KIF16B: variants seen among roughly 807,000 people sequenced by gnomAD.
KIF16B encodes the protein kinesin family member 16B.
A neutral mutation model predicts 156.3 loss-of-function variants in KIF16B; 98 were observed. The ratio of observed to expected loss-of-function variants is 0.63; its 90% CI spans 0.53 to 0.74. KIF16B has a LOEUF of 0.74. Ranked by LOEUF, KIF16B falls within the 30% of genes least tolerant of loss-of-function variation. The pLI is 0.00. For missense variants in KIF16B, 1,421 were observed against 1,606.5 expected (o/e 0.88, Z 1.97); for synonymous variants, 564 against 583.7 (o/e 0.97, Z 0.49).
chr20:16,428,132 A>C lies in KIF16B; in HGVS notation c.1474+821T>G, dbSNP rs372374807. Among the ~76,000 whole-genome samples the C allele has an allele frequency of 9.9e-5, 15 of 152,268 alleles. No homozygotes were observed. In the East Asian group the frequency reaches 1.9e-3, roughly 20 times the overall value. The stretch of plus-strand genomic sequence containing the variant: ...ATAGGTGAATCTGGGGACTTCTAGA[A>C]AATGGTTTTTATCTCTCTCAGTCTC... On this transcript the variant is annotated intron_variant, in intron 14 of 25. Coordinates refer to ENST00000354981, the MANE Select transcript of KIF16B (RefSeq NM_024704.5).
intron 25 of KIF16B, among the ~76,000 whole-genome samples, chr20:16,290,174 T>C (rs1371796353): frequency 6.6e-6 from 1 of 152,208 alleles, no homozygotes; most frequent in Non-Finnish European, 1.5e-5. Context: ...CAAATGAGAA[T>C]CTTGCTGTGT....
chr20:16,303,415 G>A (rs775806337), intron 25 of KIF16B, among the ~76,000 whole-genome samples: 5 of 152,160 alleles, frequency 3.3e-5, no homozygotes, highest in Admixed American at 6.5e-5. Context: ...CAACAATCCT[G>A]AAAACTAGTT....
intron 1 of KIF16B, among the ~76,000 whole-genome samples, chr20:16,547,865 C>G (rs2070475505): frequency 1.3e-5 from 2 of 152,164 alleles, no homozygotes; most frequent in Non-Finnish European, 2.9e-5. Context: ...GCAGGGACCC[C>G]CAACCCTGGA....
chr20:16,433,725 G>A (rs1215969494), intron 12 of KIF16B, among the ~76,000 whole-genome samples: 1 of 152,062 alleles, frequency 6.6e-6, no homozygotes, highest in Non-Finnish European at 1.5e-5. Context: ...GATTAATGCT[G>A]CCCTAAAGCT....
intron 12 of KIF16B, among the ~76,000 whole-genome samples, chr20:16,446,126 G>C (rs564834291): frequency 1.3e-5 from 2 of 152,278 alleles, no homozygotes; most frequent in African/African-American, 4.8e-5. Context: ...AAAAAAGGAA[G>C]TTGTCACCTT....
At position 16,378,943 on chromosome 20, in the gene KIF16B, T is replaced by G; in HGVS notation, c.3059A>C (p.Gln1020Pro). The part of the protein sequence containing the change: ...ARLERRHSAL[Q>P]RHSTLGMEIE... Reference sequence around the variant, plus strand: ...CTCCATGCCCAGGGTGGAGTGCCTCTGCAGCGCAGAATGTCTCCTCTCCAG... The same window carrying G: ...CTCCATGCCCAGGGTGGAGTGCCTCGGCAGCGCAGAATGTCTCCTCTCCAG... Residue 1020 changes from glutamine to proline, a missense_variant, in exon 19 of 26, where the codon CAG becomes CCG. Transcript: ENST00000354981. 1 of 1,614,130 alleles carries G rather than the reference T, an allele frequency of 6.2e-7. No individual in the cohort carries two copies. The highest frequency in any genetic ancestry group is 8.5e-7 in the Non-Finnish European group (1 of 1,179,978).
At chr20:16,305,336 A>G (rs1242808025) in intron 25 of KIF16B, among the ~76,000 whole-genome samples, 2 of 152,234 alleles carry the variant, frequency 1.3e-5, no homozygotes, top group East Asian at 1.9e-4. Flanking sequence ...AGACAAAAAC[A>G]TGAACACTGT....
intron 25 of KIF16B, among the ~76,000 whole-genome samples, chr20:16,287,180 T>A (rs1247583287): frequency 6.6e-6 from 1 of 152,218 alleles, no homozygotes; most frequent in Non-Finnish European, 1.5e-5. Flanking sequence ...TAAATGAAAT[T>A]AGTCAAAGCA....
At chr20:16,476,889 G>A (rs1214979477) in intron 12 of KIF16B, among the ~76,000 whole-genome samples, 3 of 152,076 alleles carry the variant, frequency 2.0e-5, no homozygotes, top group South Asian at 2.1e-4. Context: ...CTCCCGAGTA[G>A]CTGGGACTAC....
At chr20:16,397,453 C>T (rs1334718824) in intron 17 of KIF16B, among the ~76,000 whole-genome samples, 1 of 152,162 alleles carries the variant, frequency 6.6e-6, no homozygotes, top group Non-Finnish European at 1.5e-5. Flanking sequence ...TCTTGGGGAA[C>T]AAGAACTTTG....
chr20:16,433,994 T>C (rs1255807029), intron 12 of KIF16B, among the ~76,000 whole-genome samples: 1 of 152,102 alleles, frequency 6.6e-6, no homozygotes, highest in East Asian at 1.9e-4. Flanking sequence ...AAGAAATCAA[T>C]GTAAAATATG....
chr20:16,569,927 T>C (rs1436181746), intron 1 of KIF16B, among the ~76,000 whole-genome samples: 1 of 152,208 alleles, frequency 6.6e-6, no homozygotes, highest in Admixed American at 6.5e-5. Context: ...TCTTTAGAGG[T>C]ATCAGTGTTA....
intron 24 of KIF16B, among the ~76,000 whole-genome samples, chr20:16,330,126 A>G (rs1041646694): frequency 1.3e-5 from 2 of 152,174 alleles, no homozygotes; most frequent in African/African-American, 2.4e-5. Flanking sequence ...TGTCTGCTCA[A>G]TTCCTAAGTT....
At chr20:16,410,301 G>A (rs1178649678) in intron 15 of KIF16B, among the ~76,000 whole-genome samples, 16 of 127,346 alleles carry the variant, frequency 1.3e-4, no homozygotes, top group African/African-American at 1.7e-4. Flanking sequence ...ACATATATAT[G>A]TGTGTGTGTG....
Position 16,445,679 on chromosome 20 carries a change from T to C in KIF16B, c.1303-15697A>G, listed in dbSNP as rs188304822. Among the ~76,000 whole-genome samples the C allele has an allele frequency of 2.6e-5, 4 of 152,244 alleles. No individual in the cohort carries two copies. In the East Asian group the frequency reaches 7.7e-4, roughly 29 times the overall value. The stretch of plus-strand genomic sequence containing the variant: ...AGCAGGGAAAGGCATGTCAGGGCCA[T>C]TTTTACAGAACCAACGAGGTGCTTA... On this transcript the variant is annotated intron_variant, in intron 12 of 25. Transcript: ENST00000354981.
chr20:16,360,576 C>T (rs1362798656), intron 22 of KIF16B, among the ~76,000 whole-genome samples: 1 of 151,954 alleles, frequency 6.6e-6, no homozygotes, highest in Non-Finnish European at 1.5e-5. Flanking sequence ...ATGGAGTGAT[C>T]CTATTTAGAA....
chr20:16,450,777 C>T (rs1382886292), intron 12 of KIF16B, among the ~76,000 whole-genome samples: 1 of 152,028 alleles, frequency 6.6e-6, no homozygotes, highest in Non-Finnish European at 1.5e-5. Flanking sequence ...AAGAGATGCT[C>T]AACAGCAAGA....
chr20:16,529,522 T>C (rs909223985), intron 1 of KIF16B, among the ~76,000 whole-genome samples: 7 of 152,240 alleles, frequency 4.6e-5, no homozygotes, highest in African/African-American at 1.7e-4. Context: ...GGTGGTAATG[T>C]AAGTGCCATT....
Position 16,379,553 on chromosome 20 carries a change from C to G in KIF16B, c.2449G>C (p.Glu817Gln). 1 of 1,614,186 alleles carries G rather than the reference C, an allele frequency of 6.2e-7. No individual in the cohort carries two copies. The highest frequency in any genetic ancestry group is 8.5e-7 in the Non-Finnish European group (1 of 1,180,044). ...ARAGGDEDGE[E>Q]LEKAQLRFFE... is the part of the protein sequence containing the mutation. ...AAACGCAGTTGAGCCTTTTCTAACT[C>G]CTCGCCATCTTCATCCCCTCCGGCA... Residue 817 changes from glutamate to glutamine, a missense_variant, in exon 19 of 26, where the codon GAG becomes CAG. Physicochemically the swap from Glu to Gln is conservative, Grantham distance 29. Transcript: ENST00000354981.
Sources: gnomAD v4.1 joint callset for allele counts (sites outside exome capture counted in the v4.1 genomes callset) on GRCh38, gnomAD v4.1.1 for gene constraint, MANE v1.5 for transcripts, NCBI Gene and HGNC (gene_info 2026-07-23, HGNC 2026-07-21) for gene names.